The following SNX3 variants were observed in gnomAD, a reference collection of about 807,000 sequenced individuals.
SNX3 encodes the protein sorting nexin-3.
In SNX3, 5 loss-of-function variants were observed where a neutral mutation model predicts 17.7. That is an observed-to-expected ratio of 0.28 (90% CI 0.15 to 0.59). SNX3 has a LOEUF of 0.59. Among genes scored for constraint, SNX3 ranks in the 20% least tolerant of loss-of-function variants. The pLI, the probability that SNX3 is intolerant of heterozygous loss-of-function variation, is 0.88. For missense variants in SNX3, 132 were observed against 206.8 expected, an observed-to-expected ratio of 0.64 and a Z score of 2.22; for synonymous variants, 91 against 76.5, an observed-to-expected ratio of 1.19 and a Z score of -0.99.
chr6:108,231,092 C>A (rs183973020), intron 1 of SNX3, among the ~76,000 whole-genome samples: 85 of 151,798 alleles, frequency 5.6e-4, no homozygotes, highest in African/African-American at 2.0e-3. Context: ...TGGAGGGATC[C>A]TCCCACCTCT....
At chr6:108,260,643 A>C (rs1776163008) in intron 1 of SNX3, 117 bp downstream of exon 1, 3 of 1,204,750 alleles carry the variant, frequency 2.5e-6, no homozygotes, top group Middle Eastern at 2.4e-4. Context: ...CCGCCTCTGC[A>C]AGGGGGCTCC....
At chr6:108,222,534 T>C (rs1199335086) in intron 2 of SNX3, among the ~76,000 whole-genome samples, 1 of 152,218 alleles carries the variant, frequency 6.6e-6, no homozygotes, top group Non-Finnish European at 1.5e-5. Context: ...TTTATGAAAC[T>C]TCTGTTACAT....
rs769387256 is a variant in SNX3, at chr6:108,260,962, C to G, written c.-41G>C. 6.8e-7 allele frequency: 1 copy of G among 1,480,222 alleles called. No individual in the cohort carries two copies. Among genetic ancestry groups the G allele is most frequent in the Non-Finnish European group, 8.9e-7 (1 of 1,122,120 alleles). The allele number at this position is 1,480,222 out of a possible 1,614,324, so 91.7% of individuals were successfully genotyped here. A position where few individuals can be genotyped will look rare whatever the true frequency, so the allele number is the denominator to read the frequency against. ...GCCGCCGCCGCGGGCTCCCTCCGCCCCCTCCGCGTTCAGCCGCCGCCGCCG... is the reference window on the plus strand; with the variant it reads ...GCCGCCGCCGCGGGCTCCCTCCGCCGCCTCCGCGTTCAGCCGCCGCCGCCG... On this transcript the variant is annotated 5_prime_UTR_variant, in exon 1 of 4. Coordinates refer to ENST00000230085, the MANE Select transcript of SNX3 (RefSeq NM_003795.6).
rs111957286 is a variant in SNX3 at position 108,258,862 on chromosome 6, T to TA, written c.162+1897dup. Reference sequence around the variant, plus strand: ...CTATTTGCTAAGGTATTAGGTGTATTAAAAAAAAAAGAGGATTAAATTATT... The same window carrying TA: ...CTATTTGCTAAGGTATTAGGTGTATTAAAAAAAAAAAGAGGATTAAATTATT... On this transcript the variant is annotated intron_variant, in intron 1 of 3. Coordinates refer to ENST00000230085, the MANE Select transcript of SNX3 (RefSeq NM_003795.6). 2.3e-3 allele frequency among the ~76,000 whole-genome samples: 332 copies of TA among 147,288 alleles called. 4 individuals carry two copies. The highest frequency in any genetic ancestry group is 7.2e-3 in the African/African-American group (290 of 40,262).
chr6:108,227,815 GTT>G (rs76937863), intron 1 of SNX3, among the ~76,000 whole-genome samples: 1 of 145,344 alleles, frequency 6.9e-6, no homozygotes. Context: ...CAAAATGTGG[GTT>G]TTTTTTTTTT....
chr6:108,228,897 A>G (rs995180851), intron 1 of SNX3, among the ~76,000 whole-genome samples: 1 of 152,248 alleles, frequency 6.6e-6, no homozygotes, highest in African/African-American at 2.4e-5. Flanking sequence ...AGCTTATATT[A>G]CACAGCTTTT....
At chr6:108,229,659 T>C (rs903965467) in intron 1 of SNX3, among the ~76,000 whole-genome samples, 2 of 152,202 alleles carry the variant, frequency 1.3e-5, no homozygotes, top group African/African-American at 4.8e-5. Flanking sequence ...GCGAGTGCAA[T>C]GGCCTCAGCC....
chr6:108,248,947 T>A lies in SNX3; in HGVS notation c.162+11813A>T, dbSNP rs148637274. Among the ~76,000 whole-genome samples the A allele has an allele frequency of 9.0e-3, 1,374 of 152,230 alleles. 90 individuals carry two copies. The highest frequency in any genetic ancestry group is 0.081 in the Admixed American group (1,238 of 15,274). On this transcript the variant is annotated intron_variant, in intron 1 of 3. Coordinates refer to ENST00000230085, the MANE Select transcript of SNX3 (RefSeq NM_003795.6). ...AGCTTTTAGACAAGAGAGACAGAGTTTGTAGAAAGGACTTACCTATGTTAA... is the reference window on the plus strand; with the variant it reads ...AGCTTTTAGACAAGAGAGACAGAGTATGTAGAAAGGACTTACCTATGTTAA...
chr6:108,221,743 G>A (rs948161000), intron 2 of SNX3, among the ~76,000 whole-genome samples: 3 of 151,634 alleles, frequency 2.0e-5, no homozygotes, highest in South Asian at 2.1e-4. Flanking sequence ...ATGGGGTTTC[G>A]CATGTTGCCC....
chr6:108,237,323 A>G (rs1033663780), intron 1 of SNX3, among the ~76,000 whole-genome samples: 2 of 152,294 alleles, frequency 1.3e-5, no homozygotes, highest in South Asian at 4.1e-4. Flanking sequence ...AGAGTTTGTA[A>G]GAAAAGGATA....
intron 1 of SNX3, among the ~76,000 whole-genome samples, chr6:108,246,818 C>G (rs918111687): frequency 2.0e-5 from 3 of 152,104 alleles, no homozygotes; most frequent in Non-Finnish European, 2.9e-5. Flanking sequence ...AACGATCCTC[C>G]CACTTCTGCC....
At position 108,214,493 on chromosome 6, in the gene SNX3, C is replaced by G; in HGVS notation, c.383+5G>C. ...CCTACACTTTGAGGAATAGGAAGCACTTACTTGTTTATAAACTGCTCCAGC... is the reference window on the plus strand; with the variant it reads ...CCTACACTTTGAGGAATAGGAAGCAGTTACTTGTTTATAAACTGCTCCAGC... On this transcript the variant is annotated splice_donor_5th_base_variant and intron_variant, in intron 3 of 3. Transcript: ENST00000230085. The G allele has an allele frequency of 6.2e-7, 1 of 1,612,856 alleles. No homozygotes were observed. The highest frequency in any genetic ancestry group is 8.5e-7 in the Non-Finnish European group (1 of 1,179,648).
At chr6:108,250,065 C>A (rs577910111) in intron 1 of SNX3, among the ~76,000 whole-genome samples, 25 of 152,064 alleles carry the variant, frequency 1.6e-4, no homozygotes, top group Non-Finnish European at 3.4e-4. Flanking sequence ...GGCACGCCAC[C>A]ACAGCTGGCT....
At chr6:108,246,754 C>T (rs1290160846) in intron 1 of SNX3, among the ~76,000 whole-genome samples, 3 of 152,108 alleles carry the variant, frequency 2.0e-5, no homozygotes, top group Admixed American at 6.6e-5. Context: ...GTTGTCCAGG[C>T]TGGAGTGCAG....
intron 1 of SNX3, among the ~76,000 whole-genome samples, chr6:108,230,056 A>G (rs1261297635): frequency 6.6e-6 from 1 of 151,960 alleles, no homozygotes; most frequent in Non-Finnish European, 1.5e-5. Flanking sequence ...ATGTATGGAC[A>G]AGAGTCAGAC....
intron 1 of SNX3, among the ~76,000 whole-genome samples, chr6:108,239,055 C>G (rs560724734): frequency 3.6e-4 from 55 of 152,144 alleles, no homozygotes; most frequent in African/African-American, 1.3e-3. Context: ...CATGTGCCCC[C>G]ACACCCAGCT....
At chr6:108,227,214 T>C (rs950257312) in intron 1 of SNX3, among the ~76,000 whole-genome samples, 2 of 152,208 alleles carry the variant, frequency 1.3e-5, no homozygotes, top group African/African-American at 2.4e-5. Flanking sequence ...TTTACAGAGT[T>C]GAGTGTTTTC....
intron 1 of SNX3, among the ~76,000 whole-genome samples, chr6:108,258,216 T>C (rs530404642): frequency 1.3e-5 from 2 of 152,202 alleles, no homozygotes; most frequent in East Asian, 2.0e-4. Context: ...TCCCAGCACT[T>C]TGGGAGGCCA....
intron 1 of SNX3, among the ~76,000 whole-genome samples, chr6:108,249,505 T>C (rs1464945096): frequency 6.6e-6 from 1 of 152,158 alleles, no homozygotes; most frequent in Non-Finnish European, 1.5e-5. Context: ...TTGCAGTCAA[T>C]TTTGTTTGGC....
Sources: allele counts gnomAD v4.1 joint callset (sites outside exome capture counted in the v4.1 genomes callset), GRCh38; gene constraint gnomAD v4.1.1; transcripts MANE v1.5; gene names NCBI Gene and HGNC (gene_info 2026-07-23, HGNC 2026-07-21).